Variants in CCR9 observed in about 807,000 individuals in gnomAD.
CCR9 encodes C-C chemokine receptor type 9.
CCR9 carries 4 observed loss-of-function variants against 8.7 expected under a neutral mutation model. That is an observed-to-expected ratio of 0.46 (90% CI 0.23 to 1.06). The LOEUF (loss-of-function observed/expected upper bound fraction) is 1.06. CCR9 is among the 50% of genes least tolerant of loss of function. The pLI is 0.21. For synonymous variants in CCR9, 159 were observed against 168.8 expected, an observed-to-expected ratio of 0.94 and a Z score of 0.45; for missense variants, 394 against 453.6, an observed-to-expected ratio of 0.87 and a Z score of 1.19.
In CCR9 at chr3:45,901,899, G is replaced by C; in HGVS notation, c.*1G>C. 3 of 1,584,338 alleles carry C rather than the reference G, an allele frequency of 1.9e-6. No individual in the cohort carries two copies. Among genetic ancestry groups the C allele is most frequent in the Non-Finnish European group, 2.6e-6 (3 of 1,162,822 alleles). ...AACCTCAGGAGCACTCTCCCTCTGA[G>C]GGGTCTTCTCTGAGGTGCATGGTTC... On this transcript the variant is annotated 3_prime_UTR_variant, in exon 3 of 3. Transcript: ENST00000357632. The surrounding 1 kb of genome is among the most constrained non-coding windows in gnomAD (Gnocchi z 4.3).
intron 2 of CCR9, among the ~76,000 whole-genome samples, chr3:45,898,704 C>T (rs1481626474): frequency 1.6e-4 from 25 of 152,252 alleles, no homozygotes; most frequent in Non-Finnish European, 3.7e-4. Flanking sequence ...CTAACATCTA[C>T]TGTCCTTTAT....
chr3:45,902,865 C>G lies in CCR9; in HGVS notation c.*967C>G, dbSNP rs1387493190. 6.0e-6 allele frequency: 1 copy of G among 167,068 alleles called. No homozygotes were observed. Among genetic ancestry groups the G allele is most frequent in the East Asian group, 1.9e-4 (1 of 5,188 alleles). 10.3% of individuals were successfully genotyped at this position (167,068 alleles called of 1,614,324 possible). On this transcript the variant is annotated 3_prime_UTR_variant, in exon 3 of 3. Coordinates refer to ENST00000357632, the MANE Select transcript of CCR9 (RefSeq NM_031200.3). ...AGATATGGGCAGCAGCCAGGTAGGG[C>G]AAAGGGGTGAAGCGCAGGCCTTGCT...
At chr3:45,894,407 C>G (rs537197909) in intron 1 of CCR9, among the ~76,000 whole-genome samples, 1 of 152,278 alleles carries the variant, frequency 6.6e-6, no homozygotes, top group South Asian at 2.1e-4. Flanking sequence ...AGGCCCTTTT[C>G]CTGGGGAGTC....
chr3:45,901,720 G>A lies in CCR9; in HGVS notation c.932G>A (p.Cys311Tyr). 6.2e-7 allele frequency: 1 copy of A among 1,614,134 alleles called. No individual in the cohort carries two copies. Among genetic ancestry groups the A allele is most frequent in the Non-Finnish European group, 8.5e-7 (1 of 1,180,022 alleles). ...VTQTIAFFHS[C>Y]LNPVLYVFVG... Reference sequence around the variant, plus strand: ...CAGACCATCGCCTTCTTCCACAGTTGCCTGAACCCTGTTCTCTATGTTTTT... The same window carrying A: ...CAGACCATCGCCTTCTTCCACAGTTACCTGAACCCTGTTCTCTATGTTTTT... Residue 311 changes from cysteine to tyrosine, a missense_variant, in exon 3 of 3, where the codon TGC (cysteine) becomes TAC (tyrosine). Coordinates refer to ENST00000357632, the MANE Select transcript of CCR9 (RefSeq NM_031200.3). The surrounding 1 kb of genome is among the most constrained non-coding windows in gnomAD (Gnocchi z 4.3).
Position 45,902,181 on chromosome 3 carries a change from G to A in CCR9, c.*283G>A, listed in dbSNP as rs1702581648. The stretch of plus-strand genomic sequence containing the variant: ...AGCACCCTGGCTTTGCCACTCGCCG[G>A]AGCATCAATGCCGCTGCCTCTGGAG... On this transcript the variant is annotated 3_prime_UTR_variant, in exon 3 of 3. Transcript: ENST00000357632. 3 of 316,614 alleles carry A rather than the reference G, an allele frequency of 9.5e-6. No individual in the cohort carries two copies. The highest frequency in any genetic ancestry group is 1.2e-5 in the Non-Finnish European group (2 of 163,934). 19.6% of individuals were successfully genotyped at this position (316,614 alleles called of 1,614,324 possible).
At chr3:45,897,489 C>A (rs190161521) in intron 2 of CCR9, 2 of 916,616 alleles carry the variant, frequency 2.2e-6, no homozygotes, top group Admixed American at 2.0e-5. Context: ...GCCTGCTCAC[C>A]GGGCAGTGGA....
At chr3:45,894,718 A>C (rs943950361) in intron 1 of CCR9, among the ~76,000 whole-genome samples, 188 bp from the exon 2 acceptor site, 1 of 152,220 alleles carries the variant, frequency 6.6e-6, no homozygotes, top group Non-Finnish European at 1.5e-5. Context: ...GGAGAGGTTC[A>C]TTCATTTCTG....
At position 45,890,352 on chromosome 3, in the gene CCR9, T is replaced by TATATATATATAAATATATATATATAAC. The variant is rs1559421680; in HGVS notation, c.-29+3708_-29+3709insAATATATATATATAACATATATATATA. On this transcript the variant is annotated intron_variant, in intron 1 of 2. Transcript: ENST00000357632. ...ATATATATAACATATATATATAACA[T>TATATATATATAAATATATATATATAAC]ATATATATATATAACATATATAAAG... is the stretch of plus-strand genomic sequence containing the variant. 3.1e-4 allele frequency among the ~76,000 whole-genome samples: 5 copies of TATATATATATAAATATATATATATAAC among 16,170 alleles called. No individual in the cohort carries two copies. In the East Asian group the frequency reaches 6.0e-3, roughly 19 times the overall value. 10.6% of individuals were successfully genotyped at this position (16,170 alleles called of 152,430 possible).
Position 45,901,822 on chromosome 3 carries a change from C to T in CCR9, c.1034C>T (p.Ser345Leu), listed in dbSNP as rs779981086. 4 of 1,613,932 alleles carry T rather than the reference C, an allele frequency of 2.5e-6. No individual in the cohort carries two copies. The Admixed American group carries it at 6.7e-5, about 27-fold the overall frequency. The change falls in exon 3 of 3, where the codon TCA (serine) becomes TTA (leucine). Residue 345 changes from serine (S) to leucine (L), a missense_variant. Physicochemically the swap from Ser to Leu is moderately radical, Grantham distance 145. Coordinates refer to ENST00000357632, the MANE Select transcript of CCR9 (RefSeq NM_031200.3). This position sits in a 1 kb window ranked among gnomAD's most constrained non-coding sequence, Gnocchi z 4.3. Reference sequence around the variant, plus strand: ...TGCATCAGCCAGGCCCAGTGGGTTTCATTTACAAGGAGAGAGGGAAGCTTG... The same window carrying T: ...TGCATCAGCCAGGCCCAGTGGGTTTTATTTACAAGGAGAGAGGGAAGCTTG... ...LGCISQAQWV[S>L]FTRREGSLKL...
At chr3:45,890,502 G>T (rs1229175870) in intron 1 of CCR9, among the ~76,000 whole-genome samples, 4 of 150,314 alleles carry the variant, frequency 2.7e-5, no homozygotes, top group Admixed American at 2.0e-4. Context: ...AAAAAAAGAA[G>T]AGTAATGCTC....
At chr3:45,888,399 T>G (rs2125737437) in intron 1 of CCR9, among the ~76,000 whole-genome samples, 1 of 152,338 alleles carries the variant, frequency 6.6e-6, no homozygotes, top group Non-Finnish European at 1.5e-5. Flanking sequence ...CCACAACTCA[T>G]AGCACTTTCC....
At chr3:45,895,664 A>G (rs1257837316) in intron 2 of CCR9, among the ~76,000 whole-genome samples, 1 of 152,154 alleles carries the variant, frequency 6.6e-6, no homozygotes, top group African/African-American at 2.4e-5. Context: ...CAGTGAGCCA[A>G]GATCACGCCA....
intron 2 of CCR9, among the ~76,000 whole-genome samples, chr3:45,899,721 T>G (rs1287466454): frequency 6.6e-6 from 1 of 152,086 alleles, no homozygotes; most frequent in Non-Finnish European, 1.5e-5. Context: ...GCAGAGGTTT[T>G]GGAAGGAATG....
Position 45,902,127 on chromosome 3 carries a change from C to T in CCR9, c.*229C>T. On this transcript the variant is annotated 3_prime_UTR_variant, in exon 3 of 3. Coordinates refer to ENST00000357632, the MANE Select transcript of CCR9 (RefSeq NM_031200.3). The stretch of plus-strand genomic sequence containing the variant: ...TCTTGACTGTGATGCCCGCAATTCT[C>T]AAAGGAGGACTAAGGACCGGCACTG... 1 of 473,540 alleles carries T rather than the reference C, an allele frequency of 2.1e-6. No homozygotes were observed. The highest frequency in any genetic ancestry group is 3.8e-6 in the Non-Finnish European group (1 of 261,234). 29.3% of individuals were successfully genotyped at this position (473,540 alleles called of 1,614,324 possible). A position where few individuals can be genotyped will look rare whatever the true frequency, so the allele number is the denominator to read the frequency against.
intron 2 of CCR9, 129 bp downstream of exon 2, chr3:45,895,083 G>A (rs890014606): frequency 2.0e-6 from 2 of 992,156 alleles, no homozygotes; most frequent in Admixed American, 1.7e-5. Flanking sequence ...ATCTCTGCCT[G>A]GCAATGCGCA....
At chr3:45,897,645 C>G (rs1461441381) in intron 2 of CCR9, 8 of 1,523,698 alleles carry the variant, frequency 5.3e-6, no homozygotes, top group Non-Finnish European at 6.1e-6. Flanking sequence ...AGGACTAACA[C>G]AGCTAAGTGA....
chr3:45,896,685 T>C (rs1224667501), intron 2 of CCR9, among the ~76,000 whole-genome samples: 5 of 152,210 alleles, frequency 3.3e-5, no homozygotes, highest in Admixed American at 3.3e-4. Context: ...CAGGTCTCAA[T>C]GTTGGGATTT....
chr3:45,901,928 T>C lies in CCR9; in HGVS notation c.*30T>C. The C allele has an allele frequency of 6.6e-7, 1 of 1,522,632 alleles. No individual in the cohort carries two copies. The allele number at this position is 1,522,632 out of a possible 1,614,324, so 94.3% of individuals were successfully genotyped here. ...TCTTCTCTGAGGTGCATGGTTCTTT[T>C]GGAAGAAATGAGAAATACAGAAACA... On this transcript the variant is annotated 3_prime_UTR_variant, in exon 3 of 3. Transcript: ENST00000357632. This position sits in a 1 kb window ranked among gnomAD's most constrained non-coding sequence, Gnocchi z 4.3.
intron 1 of CCR9, among the ~76,000 whole-genome samples, chr3:45,894,441 C>T (rs6804366): frequency 1.8e-3 from 281 of 152,274 alleles, no homozygotes; most frequent in African/African-American, 6.5e-3. Flanking sequence ...ATTCTCAAAG[C>T]GACCACTGTC....
Sources: gnomAD v4.1 joint callset for allele counts (sites outside exome capture counted in the v4.1 genomes callset) on GRCh38, gnomAD v4.1.1 for gene constraint, Gnocchi (gnomAD v3.1) non-coding constraint, MANE v1.5 for transcripts, NCBI Gene and HGNC (gene_info 2026-07-23, HGNC 2026-07-21) for gene names.